The following CLEC4C variants were observed in gnomAD, a reference collection of about 807,000 sequenced individuals.
The protein encoded by CLEC4C is C-type lectin domain family 4 member C, also known as C-type (calcium dependent, carbohydrate-recognition domain) lectin, superfamily member 11.
Under a neutral mutation model 27.7 loss-of-function variants are expected in CLEC4C, and 17 were observed. That is an observed-to-expected ratio of 0.61 (90% CI 0.42 to 0.92). The LOEUF is 0.92. Ranked by LOEUF, CLEC4C falls within the 40% of genes least tolerant of loss-of-function variation. CLEC4C has a pLI of 0.00. For missense variants in CLEC4C, 244 were observed against 257.3 expected (o/e 0.95, Z 0.35); for synonymous variants, 80 against 80.8 (o/e 0.99, Z 0.06).
At chr12:7,735,506 GAAAAAAAA>G (rs74982387) in intron 4 of CLEC4C, among the ~76,000 whole-genome samples, 1 of 80,434 alleles carries the variant, frequency 1.2e-5, no homozygotes, top group Non-Finnish European at 2.4e-5. Context: ...CTGTCTCAAA[GAAAAAAAA>G]AAAAAAAAAC....
intron 4 of CLEC4C, among the ~76,000 whole-genome samples, chr12:7,731,241 G>C (rs1864589801): frequency 1.3e-5 from 2 of 151,940 alleles, no homozygotes. Flanking sequence ...CAGACTGGGG[G>C]GATATGCCTG....
chr12:7,747,443 C>T, upstream of CLEC4C: 1 of 1,304,430 alleles, frequency 7.7e-7, no homozygotes, highest in Non-Finnish European at 1.1e-6. Flanking sequence ...GGGTGTGGTT[C>T]TTTCAAACAA....
rs1419778502 is a variant in CLEC4C at position 7,746,475 on chromosome 12, C to T, written c.32-52G>A. ...AGTCATAATCCCCACTGCCAAAGAG[C>T]CAGGAAACCAGAGTCCCAAAAATCT... On this transcript the variant is annotated intron_variant, in intron 1 of 5. Coordinates refer to ENST00000360345, the MANE Select transcript of CLEC4C (RefSeq NM_001371390.1). 5 of 1,161,934 alleles carry T rather than the reference C, an allele frequency of 4.3e-6. No homozygotes were observed. In the African/African-American group the frequency reaches 7.7e-5, roughly 18 times the overall value. The allele number at this position is 1,161,934 out of a possible 1,614,324, so 72.0% of individuals were successfully genotyped here. A position where few individuals can be genotyped will look rare whatever the true frequency, so the allele number is the denominator to read the frequency against.
chr12:7,745,240 T>C (rs1430955646), intron 2 of CLEC4C, among the ~76,000 whole-genome samples: 2 of 151,838 alleles, frequency 1.3e-5, no homozygotes, highest in Non-Finnish European at 1.5e-5. Context: ...AATGCTCTTA[T>C]AAGAAGAAAC....
intron 4 of CLEC4C, among the ~76,000 whole-genome samples, chr12:7,734,159 G>A (rs1864666186): frequency 6.6e-6 from 1 of 152,176 alleles, no homozygotes; most frequent in African/African-American, 2.4e-5. Flanking sequence ...TGGTTTGTGT[G>A]CTTCCCTCCC....
chr12:7,738,061 T>C (rs1341681419), intron 3 of CLEC4C, among the ~76,000 whole-genome samples: 2 of 152,212 alleles, frequency 1.3e-5, no homozygotes, highest in African/African-American at 4.8e-5. Context: ...ATATGAACCA[T>C]GTCCACATCT....
At chr12:7,739,272 CCAGCTACTTTTTATATTTTTAATAG>C (rs1440041664) in intron 3 of CLEC4C, among the ~76,000 whole-genome samples, 4 of 151,874 alleles carry the variant, frequency 2.6e-5, no homozygotes, top group Non-Finnish European at 5.9e-5. Context: ...GCCACCACGC[CCAGCTACTTTTTATATTTTTAATAG>C]AGACGGGGTT....
At chr12:7,747,839 A>C (rs748054495), upstream of CLEC4C, among the ~76,000 whole-genome samples, 5 of 144,350 alleles carry the variant, frequency 3.5e-5, no homozygotes, top group Non-Finnish European at 1.5e-5. Context: ...ACAGGGTTTC[A>C]TCATACTGGC....
chr12:7,731,711 A>C (rs998183571), intron 4 of CLEC4C, among the ~76,000 whole-genome samples: 3 of 152,168 alleles, frequency 2.0e-5, no homozygotes, highest in Admixed American at 2.0e-4. Context: ...GGCCATCATA[A>C]ATCCTCATGT....
upstream of CLEC4C, chr12:7,747,488 C>G (rs1273718775): frequency 7.8e-6 from 6 of 770,228 alleles, no homozygotes; most frequent in Non-Finnish European, 1.3e-5. Flanking sequence ...CCTACTCTTG[C>G]AAAGGAAGAG....
intron 5 of CLEC4C, among the ~76,000 whole-genome samples, chr12:7,730,109 C>G (rs1482768839): frequency 6.6e-6 from 1 of 151,932 alleles, no homozygotes; most frequent in Non-Finnish European, 1.5e-5. Flanking sequence ...ATTTTTTTTC[C>G]CTAGTCACAA....
chr12:7,737,128 G>T (rs1864744930), intron 4 of CLEC4C, among the ~76,000 whole-genome samples: 1 of 151,730 alleles, frequency 6.6e-6, no homozygotes, highest in Non-Finnish European at 1.5e-5. Flanking sequence ...CTACTTGGGA[G>T]GCTGAGGCAG....
At chr12:7,743,436 G>A (rs992110362) in intron 2 of CLEC4C, among the ~76,000 whole-genome samples, 1 of 150,812 alleles carries the variant, frequency 6.6e-6, no homozygotes, top group South Asian at 2.1e-4. Context: ...CCAGGCTGGA[G>A]TGCAGTGGCG....
intron 5 of CLEC4C, among the ~76,000 whole-genome samples, chr12:7,730,101 T>G (rs1321092258): frequency 6.6e-6 from 1 of 151,954 alleles, no homozygotes; most frequent in East Asian, 1.9e-4. Context: ...ATTCAAATAT[T>G]TTTTTTCCCT....
At chr12:7,741,339 T>A in intron 3 of CLEC4C, 82 bp downstream of exon 3, 1 of 798,072 alleles carries the variant, frequency 1.3e-6, no homozygotes. Context: ...AGTTGATAAT[T>A]TTAGTGCTGA....
At chr12:7,741,180 G>A (rs908400657) in intron 3 of CLEC4C, among the ~76,000 whole-genome samples, 9 of 152,132 alleles carry the variant, frequency 5.9e-5, no homozygotes, top group Non-Finnish European at 1.2e-4. Context: ...GGTCAGGCTG[G>A]TCTCAAACTC....
chr12:7,736,599 C>T (rs1005444714), intron 4 of CLEC4C, among the ~76,000 whole-genome samples: 4 of 151,900 alleles, frequency 2.6e-5, no homozygotes, highest in Non-Finnish European at 5.9e-5. Flanking sequence ...AAGTTTGCTC[C>T]GGAATTTGTT....
At chr12:7,741,837 A>G (rs1042412346) in intron 2 of CLEC4C, among the ~76,000 whole-genome samples, 9 of 152,050 alleles carry the variant, frequency 5.9e-5, no homozygotes, top group Non-Finnish European at 5.9e-5. Flanking sequence ...TTTGACCAAC[A>G]TGGTGAAACC....
intron 3 of CLEC4C, among the ~76,000 whole-genome samples, chr12:7,738,972 C>G (rs1864791705): frequency 6.8e-6 from 1 of 146,788 alleles, no homozygotes; most frequent in South Asian, 2.2e-4. Context: ...CTCCCCACCC[C>G]ACAACAGGCC....
Sources: allele counts gnomAD v4.1 joint callset (sites outside exome capture counted in the v4.1 genomes callset), GRCh38; gene constraint gnomAD v4.1.1; transcripts MANE v1.5; gene names NCBI Gene and HGNC (gene_info 2026-07-23, HGNC 2026-07-21).